SRD5A3: variants seen among roughly 807,000 people sequenced by gnomAD.
The protein encoded by SRD5A3 is steroid 5 alpha-reductase 3.
In SRD5A3, 24 loss-of-function variants were observed where a neutral mutation model predicts 34.3. That is an observed-to-expected ratio of 0.70 (90% CI 0.51 to 0.99). SRD5A3 has a LOEUF of 0.99. Among genes scored for constraint, SRD5A3 ranks in the 50% least tolerant of loss-of-function variants. The pLI is 0.00. For synonymous variants in SRD5A3, 161 were observed against 167.3 expected, an observed-to-expected ratio of 0.96 and a Z score of 0.29; for missense variants, 350 against 388.2, an observed-to-expected ratio of 0.90 and a Z score of 0.83.
intron 2 of SRD5A3, among the ~76,000 whole-genome samples, chr4:55,360,351 A>G (rs1401916743): frequency 4.0e-5 from 6 of 151,816 alleles, no homozygotes; most frequent in Non-Finnish European, 1.5e-5. Context: ...TACTAAAAAT[A>G]CAAAAATAGC....
At chr4:55,352,258 G>T in intron 1 of SRD5A3, 1 of 905,708 alleles carries the variant, frequency 1.1e-6, no homozygotes, top group South Asian at 1.3e-5. Flanking sequence ...CAGGTAGGGT[G>T]TTGGGGAATT....
At chr4:55,357,463 G>A (rs958841395) in intron 1 of SRD5A3, among the ~76,000 whole-genome samples, 1 of 152,174 alleles carries the variant, frequency 6.6e-6, no homozygotes, top group Non-Finnish European at 1.5e-5. Flanking sequence ...CCATAACCTG[G>A]GGTCAGTTGT....
intron 4 of SRD5A3, 69 bp from the exon 5 acceptor site, chr4:55,369,763 G>C: frequency 2.0e-6 from 3 of 1,537,370 alleles, no homozygotes; most frequent in South Asian, 1.2e-5. Context: ...TAAATGATTT[G>C]CGAGTGAAGT....
In SRD5A3 at chr4:55,359,442, C is replaced by T. The variant is rs1719594598; in HGVS notation, c.318C>T (p.Ser106=). 3 of 1,613,862 alleles carry T rather than the reference C, an allele frequency of 1.9e-6. No homozygotes were observed. Among genetic ancestry groups the T allele is most frequent in the Non-Finnish European group, 1.7e-6 (2 of 1,180,018 alleles). ...TGTTCCTGGGAGCACCTTTTCCAAG[C>T]TGGCTTCATGGTTTGCTCAGAATTC... ...QSLFLGAPFP[S]WLHGLLRILG... Residue 106 remains serine (S), a synonymous_variant, in exon 2 of 5, where the codon AGC becomes AGT. Coordinates refer to ENST00000264228, the MANE Select transcript of SRD5A3 (RefSeq NM_024592.5).
At chr4:55,365,541 C>G (rs1719856302) in intron 3 of SRD5A3, 1 of 152,286 alleles carries the variant, frequency 6.6e-6, no homozygotes, top group African/African-American at 2.4e-5. Context: ...GGTTCTCCCC[C>G]TAAAGGAACT....
At chr4:55,360,890 A>C (rs962352438) in intron 2 of SRD5A3, among the ~76,000 whole-genome samples, 1 of 152,006 alleles carries the variant, frequency 6.6e-6, no homozygotes, top group Non-Finnish European at 1.5e-5. Flanking sequence ...GTGTTTCTCC[A>C]TGTTGGTCAG....
At chr4:55,360,214 C>CAAA (rs11453145) in intron 2 of SRD5A3, among the ~76,000 whole-genome samples, 1 of 139,662 alleles carries the variant, frequency 7.2e-6, no homozygotes. Context: ...GACTGTGTTT[C>CAAA]AAAAAAAAAA....
intron 1 of SRD5A3, among the ~76,000 whole-genome samples, chr4:55,348,279 T>C (rs537313890): frequency 6.6e-6 from 1 of 152,206 alleles, no homozygotes; most frequent in Non-Finnish European, 1.5e-5. Flanking sequence ...ACATTTCTTT[T>C]AGTACTGGAG....
chr4:55,363,821 G>A, intron 2 of SRD5A3: 2 of 516,776 alleles, frequency 3.9e-6, no homozygotes, highest in Non-Finnish European at 7.0e-6. Flanking sequence ...TGTCCCTGAA[G>A]CCTGGAAGGC....
Position 55,370,079 on chromosome 4 carries a change from A to G in SRD5A3, c.945A>G (p.Pro315=), listed in dbSNP as rs1720064856. 1.2e-6 allele frequency: 2 copies of G among 1,613,522 alleles called. No homozygotes were observed. Among genetic ancestry groups the G allele is most frequent in the African/African-American group, 1.3e-5 (1 of 75,018 alleles). ...SYPKHRKAFL[P]FLF The stretch of plus-strand genomic sequence containing the variant: ...CGAAGCATAGGAAAGCTTTCCTACC[A>G]TTTTTGTTTTAAGTTAACCTCAGTC... Residue 315 remains proline, a synonymous_variant, in exon 5 of 5, where the codon CCA becomes CCG. Coordinates refer to ENST00000264228, the MANE Select transcript of SRD5A3 (RefSeq NM_024592.5).
intron 2 of SRD5A3, among the ~76,000 whole-genome samples, chr4:55,362,225 T>G (rs1017367352): frequency 2.0e-5 from 3 of 151,588 alleles, no homozygotes. Context: ...CCTCCCGGGT[T>G]CAAGCGATTC....
At chr4:55,358,942 T>C (rs59306860) in intron 1 of SRD5A3, 3,350 of 216,404 alleles carry the variant, frequency 0.015, 125 homozygotes, top group African/African-American at 0.074. Context: ...CAATATTGTT[T>C]GGGATATAGA....
Position 55,367,611 on chromosome 4 carries a change from T to C in SRD5A3, c.586T>C (p.Leu196=), listed in dbSNP as rs372213531. 54 of 1,614,022 alleles carry C rather than the reference T, an allele frequency of 3.3e-5. No homozygotes were observed. The highest frequency in any genetic ancestry group is 1.6e-4 in the Middle Eastern group (1 of 6,084). The change falls in exon 4 of 5, where the codon TTG becomes CTG. Residue 196 remains leucine (L), a synonymous_variant. Transcript: ENST00000264228. The stretch of plus-strand genomic sequence containing the variant: ...AGCCTACATAACAGGGAAAAATCTA[T>C]TGATGCAAGCACGGTGGTTCCATAT... ...RNAYITGKNL[L]MQARWFHILG... is the part of the protein sequence containing the mutation.
chr4:55,353,949 A>C (rs771735341), intron 1 of SRD5A3, among the ~76,000 whole-genome samples: 8 of 152,240 alleles, frequency 5.3e-5, no homozygotes, highest in Non-Finnish European at 1.0e-4. Context: ...AATTCTGGAC[A>C]CAATAGCACC....
At chr4:55,369,237 T>C (rs116087631) in intron 4 of SRD5A3, among the ~76,000 whole-genome samples, 1 of 152,288 alleles carries the variant, frequency 6.6e-6, no homozygotes, top group African/African-American at 2.4e-5. Flanking sequence ...AGAGCCAGGA[T>C]TTAAACTTGT....
chr4:55,353,559 C>G (rs945096827), intron 1 of SRD5A3, among the ~76,000 whole-genome samples: 4 of 152,234 alleles, frequency 2.6e-5, no homozygotes, highest in African/African-American at 7.2e-5. Flanking sequence ...CCTGTGGAGG[C>G]TGTATTCTTT....
chr4:55,372,756 C>T lies in SRD5A3; in HGVS notation c.*2665C>T, dbSNP rs1720171640. The T allele has an allele frequency of 6.6e-6, 1 of 152,090 alleles. No homozygotes were observed. The highest frequency in any genetic ancestry group is 1.5e-5 in the Non-Finnish European group (1 of 68,018). The allele number at this position is 152,090 out of a possible 1,614,324, so 9.4% of individuals were successfully genotyped here. A position where few individuals can be genotyped will look rare whatever the true frequency, so the allele number is the denominator to read the frequency against. ...AGTCGGGGAAATGACATTGAACTACCTCATTAGCAGCCTTCCCTTGATTAA... is the reference window on the plus strand; with the variant it reads ...AGTCGGGGAAATGACATTGAACTACTTCATTAGCAGCCTTCCCTTGATTAA... On this transcript the variant is annotated 3_prime_UTR_variant, in exon 5 of 5. Coordinates refer to ENST00000264228, the MANE Select transcript of SRD5A3 (RefSeq NM_024592.5).
chr4:55,347,169 C>T (rs556549798), intron 1 of SRD5A3, among the ~76,000 whole-genome samples: 1 of 152,204 alleles, frequency 6.6e-6, no homozygotes, highest in African/African-American at 2.4e-5. Flanking sequence ...ATTTGACTTT[C>T]GAAAAATTCT....
intron 2 of SRD5A3, among the ~76,000 whole-genome samples, chr4:55,360,982 G>A (rs1263348044): frequency 6.6e-6 from 1 of 152,038 alleles, no homozygotes. Flanking sequence ...GAGCCACCGC[G>A]CCCGGCCAGA....
Sources: gnomAD v4.1 joint callset for allele counts (sites outside exome capture counted in the v4.1 genomes callset) on GRCh38, gnomAD v4.1.1 for gene constraint, MANE v1.5 for transcripts, NCBI Gene and HGNC (gene_info 2026-07-23, HGNC 2026-07-21) for gene names.